ITGA8: variants seen among roughly 807,000 people sequenced by gnomAD.
ITGA8 encodes integrin alpha-8.
In ITGA8, 91 loss-of-function variants were observed where a neutral mutation model predicts 142.3. That is an observed-to-expected ratio of 0.64 (90% CI 0.54 to 0.76). The LOEUF is 0.76. Among genes scored for constraint, ITGA8 ranks in the 30% least tolerant of loss-of-function variants. ITGA8 has a pLI of 0.00. For synonymous variants in ITGA8, 505 were observed against 485.2 expected (o/e 1.04, Z -0.54); for missense variants, 1,406 against 1,327.7 (o/e 1.06, Z -0.92).
intron 26 of ITGA8, among the ~76,000 whole-genome samples, chr10:15,557,631 G>A (rs1016166150): frequency 1.1e-4 from 17 of 152,156 alleles, no homozygotes; most frequent in African/African-American, 3.6e-4. Flanking sequence ...GGGATTACAG[G>A]TGTGAGCCAC....
intron 28 of ITGA8, among the ~76,000 whole-genome samples, chr10:15,526,774 A>G (rs982079210): frequency 3.3e-5 from 5 of 152,210 alleles, no homozygotes; most frequent in African/African-American, 1.2e-4. Flanking sequence ...CAATTTTAGA[A>G]AGTAGTATTC....
intron 13 of ITGA8, among the ~76,000 whole-genome samples, chr10:15,631,792 C>A (rs368829601): frequency 6.6e-6 from 1 of 150,928 alleles, no homozygotes; most frequent in African/African-American, 2.4e-5. Flanking sequence ...TAGCCCCACC[C>A]CCCCCAAAAA....
chr10:15,644,964 G>T (rs9333139), intron 12 of ITGA8, among the ~76,000 whole-genome samples: 2,101 of 151,178 alleles, frequency 0.014, 38 homozygotes, highest in African/African-American at 0.048. Context: ...GTAGTGGCGG[G>T]CGCCTGTAAT....
chr10:15,539,799 A>G (rs1833531822), intron 27 of ITGA8, among the ~76,000 whole-genome samples: 1 of 152,190 alleles, frequency 6.6e-6, no homozygotes, highest in Non-Finnish European at 1.5e-5. Context: ...CATTGGGAAC[A>G]TTACTGATAT....
At chr10:15,528,344 A>G (rs2131539371) in intron 28 of ITGA8, among the ~76,000 whole-genome samples, 1 of 152,214 alleles carries the variant, frequency 6.6e-6, no homozygotes, top group South Asian at 2.1e-4. Context: ...AAGCCACAGT[A>G]AGGCAGCATT....
intron 2 of ITGA8, 52 bp downstream of exon 2, chr10:15,718,714 C>T (rs1471109625): frequency 1.3e-5 from 21 of 1,605,258 alleles, no homozygotes; most frequent in Non-Finnish European, 1.8e-5. Flanking sequence ...CTGGGATGGC[C>T]CTGGTTCTTC....
At position 15,694,271 on chromosome 10, in the gene ITGA8, TATATC is replaced by T. The variant is rs1336715967; in HGVS notation, c.344-6238_344-6234del. On this transcript the variant is annotated intron_variant, in intron 2 of 29. Transcript: ENST00000378076. ...ATATGATAACATATACATCAGATAA[TATATC>T]ATACATCAGATAATATATCATATAT... Among the ~76,000 whole-genome samples, 86 of 94,838 alleles carry T rather than the reference TATATC, an allele frequency of 9.1e-4. 1 individual carries two copies. Among genetic ancestry groups the T allele is most frequent in the African/African-American group, 2.3e-3 (63 of 27,846 alleles). The allele number at this position is 94,838 out of a possible 152,430, so 62.2% of individuals were successfully genotyped here.
chr10:15,554,743 CT>C, intron 26 of ITGA8, among the ~76,000 whole-genome samples: 1 of 114,948 alleles, frequency 8.7e-6, no homozygotes, highest in African/African-American at 3.3e-5. Flanking sequence ...TTCTTTCTTT[CT>C]TTCTTTTTTT....
chr10:15,531,784 G>A (rs1345944676), intron 27 of ITGA8, among the ~76,000 whole-genome samples: 27 of 147,250 alleles, frequency 1.8e-4, no homozygotes, highest in African/African-American at 4.6e-4. Flanking sequence ...CTAAAAACCA[G>A]AAAAAAAAAA....
chr10:15,614,135 C>T (rs558680540), intron 14 of ITGA8, among the ~76,000 whole-genome samples: 76 of 152,290 alleles, frequency 5.0e-4, no homozygotes, highest in African/African-American at 1.8e-3. Context: ...TGATGAAATA[C>T]ATCATCTTAC....
At chr10:15,641,694 T>C (rs1275624202) in intron 13 of ITGA8, among the ~76,000 whole-genome samples, 3 of 152,206 alleles carry the variant, frequency 2.0e-5, no homozygotes, top group African/African-American at 7.2e-5. Context: ...GGGCCTGCCT[T>C]AGTAAAGAAC....
At chr10:15,695,664 T>C (rs1835037381) in intron 2 of ITGA8, among the ~76,000 whole-genome samples, 1 of 152,208 alleles carries the variant, frequency 6.6e-6, no homozygotes, top group African/African-American at 2.4e-5. Flanking sequence ...TCTCTTCTCT[T>C]TATGGCAAGG....
At chr10:15,562,753 T>C (rs1834006870) in intron 25 of ITGA8, among the ~76,000 whole-genome samples, 1 of 152,144 alleles carries the variant, frequency 6.6e-6, no homozygotes, top group African/African-American at 2.4e-5. Context: ...AGGGTAGGCC[T>C]TGGATAGCCC....
intron 28 of ITGA8, among the ~76,000 whole-genome samples, chr10:15,529,507 T>C (rs1391173027): frequency 1.3e-5 from 2 of 152,212 alleles, no homozygotes; most frequent in Non-Finnish European, 2.9e-5. Context: ...GCCACCTGCC[T>C]GTGCTAGAAG....
At chr10:15,697,067 A>AC (rs10683246) in intron 2 of ITGA8, among the ~76,000 whole-genome samples, 77 of 151,388 alleles carry the variant, frequency 5.1e-4, no homozygotes, top group African/African-American at 1.7e-3. Flanking sequence ...ACACACACAC[A>AC]AGAAATAGTA....
chr10:15,527,100 CA>C (rs1833189148), intron 28 of ITGA8, among the ~76,000 whole-genome samples: 1 of 152,058 alleles, frequency 6.6e-6, no homozygotes, highest in Admixed American at 6.6e-5. Flanking sequence ...ATAAACGTAC[CA>C]AGACACCCTA....
At position 15,642,608 on chromosome 10, in the gene ITGA8, C is replaced by T. The variant is rs575854291; in HGVS notation, c.1399+1422G>A. Reference sequence around the variant, plus strand: ...CTCCCCAGTAATAACAACTAACCACCATTGATTAGCATAATGTAACCTAAG... The same window carrying T: ...CTCCCCAGTAATAACAACTAACCACTATTGATTAGCATAATGTAACCTAAG... On this transcript the variant is annotated intron_variant, in intron 13 of 29. Transcript: ENST00000378076. Among the ~76,000 whole-genome samples, 4 of 152,192 alleles carry T rather than the reference C, an allele frequency of 2.6e-5. No individual in the cohort carries two copies. The South Asian group carries it at 6.2e-4, about 24-fold the overall frequency.
At position 15,597,201 on chromosome 10, in the gene ITGA8, T is replaced by G. The variant is rs778774264; in HGVS notation, c.2211+6A>C. On this transcript the variant is annotated splice_donor_region_variant and intron_variant, in intron 21 of 29. Coordinates refer to ENST00000378076, the MANE Select transcript of ITGA8 (RefSeq NM_003638.3). ...AAATCAGTCAGTATTTCTGGTTCTC[T>G]CTTACATTTGTTCCAGACACCATAG... is the stretch of plus-strand genomic sequence containing the variant. The G allele has an allele frequency of 1.2e-6, 2 of 1,606,832 alleles. No individual in the cohort carries two copies. Among genetic ancestry groups the G allele is most frequent in the Non-Finnish European group, 1.7e-6 (2 of 1,173,328 alleles).
chr10:15,638,094 C>A (rs929808255), intron 13 of ITGA8, among the ~76,000 whole-genome samples: 1 of 152,138 alleles, frequency 6.6e-6, no homozygotes, highest in Non-Finnish European at 1.5e-5. Flanking sequence ...TCTATGCCTG[C>A]ACTTTGCTAA....
Sources: allele counts gnomAD v4.1 joint callset (sites outside exome capture counted in the v4.1 genomes callset), GRCh38; gene constraint gnomAD v4.1.1; transcripts MANE v1.5; gene names NCBI Gene and HGNC (gene_info 2026-07-23, HGNC 2026-07-21).